Variants in C19orf81 observed in about 807,000 individuals in gnomAD.
C19orf81 encodes the protein putative uncharacterized protein C19orf81.
C19orf81 carries 19 observed loss-of-function variants against 22.1 expected under a neutral mutation model. The ratio of observed to expected loss-of-function variants is 0.86; its 90% confidence interval spans 0.60 to 1.26. The LOEUF (loss-of-function observed/expected upper bound fraction) is 1.26, where lower values mean the gene tolerates loss of function less well. C19orf81 is among the 50% of genes most tolerant of loss of function. The pLI is 0.00. For missense variants in C19orf81, 287 were observed against 280.7 expected (o/e 1.02, Z -0.16); for synonymous variants, 108 against 113.1 (o/e 0.95, Z 0.29).
chr19:50,658,341 T>C (rs969398644), intron 4 of C19orf81, among the ~76,000 whole-genome samples: 4 of 83,332 alleles, frequency 4.8e-5, no homozygotes, highest in African/African-American at 1.5e-4. Context: ...GCGTGGTTGG[T>C]GTAAGGGTGT....
At chr19:50,657,317 C>T (rs1302947426) in intron 3 of C19orf81, among the ~76,000 whole-genome samples, 3 of 152,180 alleles carry the variant, frequency 2.0e-5, no homozygotes, top group Admixed American at 6.5e-5. Context: ...GACTCTCCAG[C>T]CTCCCCTCTC....
At chr19:50,652,192 A>C (rs1984891831) in intron 1 of C19orf81, among the ~76,000 whole-genome samples, 1 of 152,272 alleles carries the variant, frequency 6.6e-6, no homozygotes, top group Non-Finnish European at 1.5e-5. Flanking sequence ...TACATATTTA[A>C]ATTTCCCTAA....
chr19:50,653,522 A>T (rs942192726), intron 1 of C19orf81, among the ~76,000 whole-genome samples: 12 of 151,888 alleles, frequency 7.9e-5, no homozygotes, highest in African/African-American at 2.9e-4. Flanking sequence ...GAAAATGTAG[A>T]TTTGAATCCA....
rs2123035773 is a variant in C19orf81 at position 50,649,711 on chromosome 19, T to C, written c.67+200T>C. The C allele has an allele frequency of 7.2e-6, 5 of 694,046 alleles. No individual in the cohort carries two copies. In the Admixed American group the frequency reaches 8.2e-5, roughly 11 times the overall value. 43.0% of individuals were successfully genotyped at this position (694,046 alleles called of 1,614,324 possible). ...TACATTTCCCATGAGCCTCTGCAGT[T>C]CCTTGGCCAATGCCCTGGACTCAGA... On this transcript the variant is annotated intron_variant, in intron 1 of 4. Coordinates refer to ENST00000425202, the MANE Select transcript of C19orf81 (RefSeq NM_001195076.2).
In C19orf81 at chr19:50,659,077, C is replaced by G; in HGVS notation, c.532C>G (p.Arg178Gly). The change falls in exon 5 of 5, where the codon CGC becomes GGC. Residue 178 changes from arginine to glycine, a missense_variant. By Grantham distance (125) the Arg-to-Gly change is moderately radical (BLOSUM62 -2). Transcript: ENST00000425202. ...GCTGGGCGACTACCGCCTGCACCTG[C>G]GCCGCTCCCTGGTCCGGCGGCGCAT... ...LLLGDYRLHL[R>G]RSLVRRRMLE... 6.6e-7 allele frequency: 1 copy of G among 1,516,742 alleles called. No individual in the cohort carries two copies. The highest frequency in any genetic ancestry group is 2.0e-5 in the Admixed American group (1 of 49,498). 94.0% of individuals were successfully genotyped at this position (1,516,742 alleles called of 1,614,324 possible).
chr19:50,652,784 C>T (rs942629251), intron 1 of C19orf81, among the ~76,000 whole-genome samples: 1 of 152,066 alleles, frequency 6.6e-6, no homozygotes, highest in Non-Finnish European at 1.5e-5. Flanking sequence ...AAAATCCTGC[C>T]TTGCTGGGGT....
chr19:50,652,532 A>G (rs1984899009), intron 1 of C19orf81, among the ~76,000 whole-genome samples: 1 of 152,214 alleles, frequency 6.6e-6, no homozygotes, highest in African/African-American at 2.4e-5. Context: ...GCAGAGTTAC[A>G]GCATTGGCCA....
At position 50,659,217 on chromosome 19, in the gene C19orf81, A is replaced by G. The variant is rs1985087826; in HGVS notation, c.*75A>G. 1 of 1,215,952 alleles carries G rather than the reference A, an allele frequency of 8.2e-7. No individual in the cohort carries two copies. Among genetic ancestry groups the G allele is most frequent in the Non-Finnish European group, 1.0e-6 (1 of 963,364 alleles). The allele number at this position is 1,215,952 out of a possible 1,614,324, so 75.3% of individuals were successfully genotyped here. ...CCACCCACCCGGAGCCCCGGAGGAC[A>G]GGGGGCGTTGCCTTCCCAGGAAGGA... On this transcript the variant is annotated 3_prime_UTR_variant, in exon 5 of 5. Coordinates refer to ENST00000425202, the MANE Select transcript of C19orf81 (RefSeq NM_001195076.2).
chr19:50,658,940 C>A lies in C19orf81; in HGVS notation c.402-7C>A. 1 of 1,471,966 alleles carries A rather than the reference C, an allele frequency of 6.8e-7. No individual in the cohort carries two copies. The highest frequency in any genetic ancestry group is 9.0e-7 in the Non-Finnish European group (1 of 1,108,284). 91.2% of individuals were successfully genotyped at this position (1,471,966 alleles called of 1,614,324 possible). A position where few individuals can be genotyped will look rare whatever the true frequency, so the allele number is the denominator to read the frequency against. On this transcript the variant is annotated splice_region_variant and splice_polypyrimidine_tract_variant and intron_variant, in intron 4 of 4. Coordinates refer to ENST00000425202, the MANE Select transcript of C19orf81 (RefSeq NM_001195076.2). ...GAGTTCCTTTTCCGTCCCCACCCCCCTTACAGGTGGCTCATCGCGGTCACG... is the reference window on the plus strand; with the variant it reads ...GAGTTCCTTTTCCGTCCCCACCCCCATTACAGGTGGCTCATCGCGGTCACG...
At chr19:50,655,445 T>C (rs771766707) in intron 1 of C19orf81, among the ~76,000 whole-genome samples, 46 of 151,908 alleles carry the variant, frequency 3.0e-4, no homozygotes, top group Non-Finnish European at 2.6e-4. Flanking sequence ...GGTCATGAGA[T>C]TGAGATCATC....
At chr19:50,657,016 AAAGG>A (rs1328786191) in intron 3 of C19orf81, among the ~76,000 whole-genome samples, 2 of 150,308 alleles carry the variant, frequency 1.3e-5, no homozygotes, top group Admixed American at 6.6e-5. Flanking sequence ...AAAGGAAAGG[AAAGG>A]AAGGAAGGGA....
chr19:50,658,526 GT>G (rs1985056212), intron 4 of C19orf81: 1 of 265,390 alleles, frequency 3.8e-6, no homozygotes, highest in South Asian at 6.9e-5. Context: ...AGGGGCCCGA[GT>G]TTGAGTGACC....
Position 50,649,512 on chromosome 19 carries a change from G to T in C19orf81, c.67+1G>T. 1.3e-6 allele frequency: 2 copies of T among 1,536,140 alleles called. No individual in the cohort carries two copies. Among genetic ancestry groups the T allele is most frequent in the Non-Finnish European group, 1.7e-6 (2 of 1,146,824 alleles). ...AGCCCCACCATGCACAGGAAGGCAGGTACTGAGCTGTGTCTTTGGGGGAAG... is the reference window on the plus strand; with the variant it reads ...AGCCCCACCATGCACAGGAAGGCAGTTACTGAGCTGTGTCTTTGGGGGAAG... On this transcript the variant is annotated splice_donor_variant, in intron 1 of 4. Transcript: ENST00000425202. LOFTEE classifies it high-confidence loss of function.
At chr19:50,658,676 C>T in intron 4 of C19orf81, 1 of 369,900 alleles carries the variant, frequency 2.7e-6, no homozygotes, top group Non-Finnish European at 4.8e-6. Context: ...GCGCAGCCTG[C>T]AGTCGCCAGT....
chr19:50,649,808 TG>T (rs1984839651), intron 1 of C19orf81: 1 of 530,194 alleles, frequency 1.9e-6, no homozygotes, highest in Admixed American at 2.2e-5. Flanking sequence ...GTAACCTCAC[TG>T]TCTTGTCTCC....
In C19orf81 at chr19:50,656,070, G is replaced by A. The variant is rs765677846; in HGVS notation, c.88G>A (p.Glu30Lys). 1.5e-5 allele frequency: 23 copies of A among 1,536,108 alleles called. 1 individual carries two copies. In the South Asian group the frequency reaches 2.1e-4, roughly 14 times the overall value. ...CTCAGGAGCCCTCCTTATGGACCTG[G>A]AGACCCCAGAGGAGATGCAGGCTCG... Reference protein sequence around the residue: ...RKAGALLMDLETPEEMQARSL... With the variant: ...RKAGALLMDLKTPEEMQARSL... Residue 30 changes from glutamate to lysine, a missense_variant, in exon 2 of 5, where the codon GAG (glutamate) becomes AAG (lysine). Coordinates refer to ENST00000425202, the MANE Select transcript of C19orf81 (RefSeq NM_001195076.2).
chr19:50,659,196 C>T lies in C19orf81; in HGVS notation c.*54C>T, dbSNP rs1046887200. 12 of 1,256,538 alleles carry T rather than the reference C, an allele frequency of 9.6e-6. No homozygotes were observed. Among genetic ancestry groups the T allele is most frequent in the Non-Finnish European group, 1.2e-5 (12 of 997,978 alleles). 77.8% of individuals were successfully genotyped at this position (1,256,538 alleles called of 1,614,324 possible). ...GCACCGCCCCGCGGGCTGGGGCCAC[C>T]CACCCGGAGCCCCGGAGGACAGGGG... On this transcript the variant is annotated 3_prime_UTR_variant, in exon 5 of 5. Coordinates refer to ENST00000425202, the MANE Select transcript of C19orf81 (RefSeq NM_001195076.2).
Position 50,659,207 on chromosome 19 carries a change from C to A in C19orf81, c.*65C>A. ...CGGGCTGGGGCCACCCACCCGGAGCCCCGGAGGACAGGGGGCGTTGCCTTC... is the reference window on the plus strand; with the variant it reads ...CGGGCTGGGGCCACCCACCCGGAGCACCGGAGGACAGGGGGCGTTGCCTTC... On this transcript the variant is annotated 3_prime_UTR_variant, in exon 5 of 5. Transcript: ENST00000425202. The A allele has an allele frequency of 8.0e-7, 1 of 1,244,844 alleles. No individual in the cohort carries two copies. The highest frequency in any genetic ancestry group is 1.0e-6 in the Non-Finnish European group (1 of 988,186). The allele number at this position is 1,244,844 out of a possible 1,614,324, so 77.1% of individuals were successfully genotyped here. A position where few individuals can be genotyped will look rare whatever the true frequency, so the allele number is the denominator to read the frequency against.
chr19:50,649,642 G>T, intron 1 of C19orf81, 131 bp downstream of exon 1: 1 of 1,025,370 alleles, frequency 9.8e-7, no homozygotes, highest in Non-Finnish European at 1.5e-6. Flanking sequence ...TAGCATTCCT[G>T]GATTCACCAG....
Sources: gnomAD v4.1 joint callset for allele counts (sites outside exome capture counted in the v4.1 genomes callset) on GRCh38, gnomAD v4.1.1 for gene constraint, MANE v1.5 for transcripts, NCBI Gene and HGNC (gene_info 2026-07-23, HGNC 2026-07-21) for gene names.